Variants in XIRP2 observed in about 807,000 individuals in gnomAD.
XIRP2 encodes the protein xin actin-binding repeat-containing protein 2.
Under a neutral mutation model 277.0 loss-of-function variants are expected in XIRP2, and 236 were observed. The observed-to-expected ratio is 0.85, with a 90% CI of 0.77 to 0.95. The LOEUF (loss-of-function observed/expected upper bound fraction) is 0.95, where lower values mean the gene tolerates loss of function less well. XIRP2 is among the 40% of genes least tolerant of loss of function. The pLI is 0.00. For synonymous variants in XIRP2, 1,490 were observed against 1,416.5 expected, an observed-to-expected ratio of 1.05 and a Z score of -1.17; for missense variants, 4,640 against 4,157.5, an observed-to-expected ratio of 1.12 and a Z score of -3.19.
chr2:167,207,191 T>C (rs1693883013), intron 3 of XIRP2, among the ~76,000 whole-genome samples: 1 of 152,232 alleles, frequency 6.6e-6, no homozygotes. Flanking sequence ...CATATCATTT[T>C]TATAAATCAC....
In XIRP2 at chr2:167,210,836, C is replaced by A. The variant is rs767389886; in HGVS notation, c.664C>A (p.Arg222=). ...DLHEVVSLKE[R]MARYQAAVSR... is the part of the protein sequence containing the mutation. ...CCACGAAGTGGTCTCCCTGAAGGAG[C>A]GGATGGCGAGGTACCAGGCAGCTGT... is the stretch of plus-strand genomic sequence containing the variant. Residue 222 remains arginine (R), a synonymous_variant, in exon 4 of 11, where the codon CGG becomes AGG. Transcript: ENST00000409195. 6.2e-7 allele frequency: 1 copy of A among 1,614,146 alleles called. No individual in the cohort carries two copies. Among genetic ancestry groups the A allele is most frequent in the African/African-American group, 1.3e-5 (1 of 75,050 alleles).
At chr2:166,924,323 C>A (rs1159522159) in intron 2 of XIRP2, among the ~76,000 whole-genome samples, 1 of 151,974 alleles carries the variant, frequency 6.6e-6, no homozygotes, top group East Asian at 1.9e-4. Context: ...GAGTGCAGTT[C>A]ATACTCTTCA....
chr2:166,994,478 A>T lies in XIRP2; in HGVS notation c.408+90588A>T, dbSNP rs1271722998. On this transcript the variant is annotated intron_variant, in intron 2 of 10. Transcript: ENST00000409195. ...TGTACCCTAAAACTTAGAGTATAAT[A>T]AAAAAAAAAAAATTAAAAAAAAAAA... Among the ~76,000 whole-genome samples, 33 of 67,046 alleles carry T rather than the reference A, an allele frequency of 4.9e-4. No homozygotes were observed. In the South Asian group the frequency reaches 5.0e-3, roughly 10 times the overall value. The allele number at this position is 67,046 out of a possible 152,430, so 44.0% of individuals were successfully genotyped here. A position where few individuals can be genotyped will look rare whatever the true frequency, so the allele number is the denominator to read the frequency against.
chr2:167,183,644 T>C (rs1266504105), intron 3 of XIRP2, among the ~76,000 whole-genome samples: 1 of 152,166 alleles, frequency 6.6e-6, no homozygotes, highest in Non-Finnish European at 1.5e-5. Context: ...TTTTCATATG[T>C]TTTGTGTGTT....
chr2:167,258,281 T>C lies in XIRP2; in HGVS notation c.*464T>C. 1.2e-6 allele frequency: 2 copies of C among 1,613,254 alleles called. No homozygotes were observed. Among genetic ancestry groups the C allele is most frequent in the South Asian group, 2.2e-5 (2 of 91,054 alleles). On this transcript the variant is annotated 3_prime_UTR_variant, in exon 11 of 11. Coordinates refer to ENST00000409195, the MANE Select transcript of XIRP2 (RefSeq NM_152381.6). ...GCTATCCCCTGAATTTAAAAGTGAA[T>C]CTCTGCTAGAAGATGTTAGAACTCC...
At chr2:167,151,530 T>G (rs1558998207) in intron 3 of XIRP2, among the ~76,000 whole-genome samples, 1 of 152,104 alleles carries the variant, frequency 6.6e-6, no homozygotes, top group Non-Finnish European at 1.5e-5. Context: ...AGGGAGGATG[T>G]TAACACCAAT....
intron 2 of XIRP2, among the ~76,000 whole-genome samples, chr2:166,979,760 C>T (rs75119380): frequency 0.034 from 5,102 of 152,148 alleles, 108 homozygotes; most frequent in East Asian, 0.078. Context: ...CATTTGCCTT[C>T]TTATACATTG....
intron 2 of XIRP2, among the ~76,000 whole-genome samples, chr2:167,019,339 C>A (rs769757341): frequency 6.6e-6 from 1 of 151,838 alleles, no homozygotes; most frequent in Non-Finnish European, 1.5e-5. Flanking sequence ...CAAAGAATAG[C>A]GACCCCAATA....
chr2:166,918,116 G>A (rs1684940399), intron 2 of XIRP2, among the ~76,000 whole-genome samples: 1 of 152,196 alleles, frequency 6.6e-6, no homozygotes, highest in Non-Finnish European at 1.5e-5. Flanking sequence ...AAATCAATAA[G>A]TCTGATTACT....
intron 2 of XIRP2, among the ~76,000 whole-genome samples, chr2:167,035,995 C>A (rs149628547): frequency 2.3e-4 from 35 of 152,302 alleles, no homozygotes; most frequent in African/African-American, 8.4e-4. Context: ...AGTGTTGACC[C>A]CTTGGGTACA....
intron 2 of XIRP2, among the ~76,000 whole-genome samples, chr2:166,936,133 T>C (rs1685492060): frequency 6.6e-6 from 1 of 152,156 alleles, no homozygotes; most frequent in African/African-American, 2.4e-5. Context: ...TGTCTCATTG[T>C]AGTTTTATTT....
In XIRP2 at chr2:167,132,511, TACACACACACACAC is replaced by T. The variant is rs35636231; in HGVS notation, c.409-3373_409-3360del. 1.0e-4 allele frequency among the ~76,000 whole-genome samples: 15 copies of T among 146,328 alleles called. 1 individual carries two copies. The East Asian group carries it at 1.4e-3, about 14-fold the overall frequency. Reference sequence around the variant, plus strand: ...TGATTATGTCATGTGTGCATGTGTATACACACACACACACACACACACACACACACACACACACT... The same window carrying T: ...TGATTATGTCATGTGTGCATGTGTATACACACACACACACACACACACACT... On this transcript the variant is annotated intron_variant, in intron 2 of 10. Transcript: ENST00000409195.
At chr2:167,087,849 C>T (rs2105271341) in intron 2 of XIRP2, among the ~76,000 whole-genome samples, 1 of 152,276 alleles carries the variant, frequency 6.6e-6, no homozygotes, top group Admixed American at 6.5e-5. Flanking sequence ...TCTGGCACTC[C>T]CTAGTGAGAT....
rs200145096 is a variant in XIRP2, at chr2:167,249,789, G to T, written c.8397G>T (p.Met2799Ile). 1.2e-6 allele frequency: 2 copies of T among 1,613,220 alleles called. No homozygotes were observed. Among genetic ancestry groups the T allele is most frequent in the African/African-American group, 2.7e-5 (2 of 74,814 alleles). Residue 2799 changes from methionine (M) to isoleucine (I), a missense_variant, in exon 9 of 11, where the codon ATG (methionine) becomes ATT (isoleucine). By Grantham distance (10) the Met-to-Ile change is conservative (BLOSUM62 1). Transcript: ENST00000409195. ...AGAACCAGGAAGATAAGCTCAAGAT[G>T]GTTCCCAGGAAGCAAAGAGAATTTA... ...IQKNQEDKLKMVPRKQREFSG... is the reference protein window; with the variant it reads ...IQKNQEDKLKIVPRKQREFSG...
chr2:167,177,083 G>A (rs1414159185), intron 3 of XIRP2, among the ~76,000 whole-genome samples: 2 of 152,120 alleles, frequency 1.3e-5, no homozygotes, highest in Non-Finnish European at 2.9e-5. Context: ...TCTTCTTTGT[G>A]CCTTGGACTT....
intron 2 of XIRP2, among the ~76,000 whole-genome samples, chr2:166,984,844 C>T (rs1055850791): frequency 6.6e-6 from 1 of 152,174 alleles, no homozygotes; most frequent in East Asian, 1.9e-4. Context: ...TAGGCAGATG[C>T]CAGGGCACTC....
At chr2:167,044,524 C>G (rs1263143539) in intron 2 of XIRP2, among the ~76,000 whole-genome samples, 1 of 152,108 alleles carries the variant, frequency 6.6e-6, no homozygotes, top group Non-Finnish European at 1.5e-5. Flanking sequence ...CCAGAAAAAT[C>G]CAATAGTCTC....
intron 3 of XIRP2, among the ~76,000 whole-genome samples, chr2:167,147,377 A>T (rs1486476751): frequency 6.6e-6 from 1 of 152,126 alleles, no homozygotes; most frequent in Non-Finnish European, 1.5e-5. Context: ...ATCAGGCCCG[A>T]TAAGAGTCTT....
At chr2:167,105,690 G>A (rs972455678) in intron 2 of XIRP2, among the ~76,000 whole-genome samples, 1 of 151,780 alleles carries the variant, frequency 6.6e-6, no homozygotes, top group Non-Finnish European at 1.5e-5. Context: ...GTGCAGTTAG[G>A]GGGAGCGTAT....
Sources: allele counts gnomAD v4.1 joint callset (sites outside exome capture counted in the v4.1 genomes callset), GRCh38; gene constraint gnomAD v4.1.1; transcripts MANE v1.5; gene names NCBI Gene and HGNC (gene_info 2026-07-23, HGNC 2026-07-21).